Variants in TBX10 observed in about 807,000 individuals in gnomAD.
TBX10 encodes T-box transcription factor TBX10.
In TBX10, 26 loss-of-function variants were observed where a neutral mutation model predicts 32.4. That is an observed-to-expected ratio of 0.80 (90% confidence interval 0.59 to 1.11). TBX10 has a LOEUF of 1.11. Among genes scored for constraint, TBX10 ranks in the 50% most tolerant of loss-of-function variants. The probability of loss-of-function intolerance (pLI) is 0.00; values close to 1 mark genes in which losing one functional copy is unlikely to be tolerated. For missense variants in TBX10, 490 were observed against 494.5 expected (o/e 0.99, Z 0.09); for synonymous variants, 195 against 203.1 (o/e 0.96, Z 0.34).
At position 67,632,420 on chromosome 11, in the gene TBX10, A is replaced by G; in HGVS notation, c.774-8T>C. The G allele has an allele frequency of 6.2e-7, 1 of 1,609,136 alleles. No individual in the cohort carries two copies. The highest frequency in any genetic ancestry group is 1.1e-5 in the South Asian group (1 of 90,998). On this transcript the variant is annotated splice_region_variant and splice_polypyrimidine_tract_variant and intron_variant, in intron 6 of 7. Transcript: ENST00000335385. ...GGCCGTGGGGCCACAGGCCTGAAAG[A>G]GCAAGCGAGAATGGGGGGAGGGGAT...
At chr11:67,632,273 TGTG>T in intron 7 of TBX10, 42 bp downstream of exon 7, 1 of 1,608,512 alleles carries the variant, frequency 6.2e-7, no homozygotes. Flanking sequence ...TTCCGCCCAC[TGTG>T]TACACCTTAG....
chr11:67,632,173 T>C, intron 7 of TBX10, 145 bp downstream of exon 7: 1 of 1,032,660 alleles, frequency 9.7e-7, no homozygotes, highest in Non-Finnish European at 1.5e-6. Flanking sequence ...GTCTTAGGCA[T>C]GTCTGCTTCC....
At chr11:67,636,417 G>T (rs192737883) in intron 1 of TBX10, among the ~76,000 whole-genome samples, 1 of 151,814 alleles carries the variant, frequency 6.6e-6, no homozygotes, top group African/African-American at 2.4e-5. Flanking sequence ...CTGCTGGTGG[G>T]AATGTAAAAG....
At chr11:67,638,210 AAAATAAATAAAT>A (rs3029208) in intron 1 of TBX10, among the ~76,000 whole-genome samples, 7 of 149,700 alleles carry the variant, frequency 4.7e-5, no homozygotes, top group African/African-American at 7.4e-5. Context: ...TCTGTCTCAA[AAAATAAATAAAT>A]AAATAAATAA....
At position 67,632,987 on chromosome 11, in the gene TBX10, C is replaced by A; in HGVS notation, c.666G>T (p.Glu222Asp). 1 of 1,614,228 alleles carries A rather than the reference C, an allele frequency of 6.2e-7. No homozygotes were observed. Among genetic ancestry groups the A allele is most frequent in the Non-Finnish European group, 8.5e-7 (1 of 1,180,022 alleles). The change falls in exon 5 of 8, where the codon GAG becomes GAT. Residue 222 changes from glutamate (E) to aspartate (D), a missense_variant. By Grantham distance (45) the Glu-to-Asp change is conservative (BLOSUM62 2). Transcript: ENST00000335385. ...QENFKSFIFT[E>D]TQFTAVTAYQ... ...AGGCTGTCACTGCTGTGAACTGGGT[C>A]TCTGTGAAGATGAAGGACTTGAAGT...
chr11:67,640,224 G>A (rs1332042154), upstream of TBX10, among the ~76,000 whole-genome samples: 1 of 152,254 alleles, frequency 6.6e-6, no homozygotes, highest in Non-Finnish European at 1.5e-5. Context: ...CCTGTGGCAC[G>A]TGAACCCACA....
chr11:67,636,253 T>TC (rs1855326396), intron 1 of TBX10, among the ~76,000 whole-genome samples: 1 of 150,826 alleles, frequency 6.6e-6, no homozygotes, highest in African/African-American at 2.4e-5. Context: ...GGCTACTTTT[T>TC]TTTTTTTTTT....
intron 4 of TBX10, 108 bp from the exon 5 acceptor site, chr11:67,633,211 C>G (rs1855266265): frequency 7.2e-7 from 1 of 1,383,612 alleles, no homozygotes; most frequent in Non-Finnish European, 9.9e-7. Context: ...GCCTGCCACC[C>G]TGTTCCTTTC....
intron 7 of TBX10, among the ~76,000 whole-genome samples, chr11:67,632,116 C>A (rs574643227): frequency 6.6e-6 from 1 of 152,344 alleles, no homozygotes; most frequent in Non-Finnish European, 1.5e-5. Flanking sequence ...CTGCAGGAAG[C>A]CTGCCTGGCA....
Position 67,631,710 on chromosome 11 carries a change from G to A in TBX10, c.1053C>T (p.Pro351=). 1 of 1,609,674 alleles carries A rather than the reference G, an allele frequency of 6.2e-7. No individual in the cohort carries two copies. Among genetic ancestry groups the A allele is most frequent in the Non-Finnish European group, 8.5e-7 (1 of 1,178,592 alleles). The change falls in exon 8 of 8, where the codon CCC becomes CCT. Residue 351 remains proline, a synonymous_variant. Coordinates refer to ENST00000335385, the MANE Select transcript of TBX10 (RefSeq NM_005995.5). ...CTTGATCCCTATCAGCCCGGATGTTGGGGAGGGGGTATGGTGCTGGTCGGG... is the reference window on the plus strand; with the variant it reads ...CTTGATCCCTATCAGCCCGGATGTTAGGGAGGGGGTATGGTGCTGGTCGGG... ...PRTRPAPYPL[P]NIRADRDQGG...
At chr11:67,639,820 C>T (rs906738016), upstream of TBX10, among the ~76,000 whole-genome samples, 2 of 152,158 alleles carry the variant, frequency 1.3e-5, no homozygotes, top group Non-Finnish European at 1.5e-5. Flanking sequence ...GCAGAGCCCC[C>T]CTTCCTCCCT....
intron 1 of TBX10, 130 bp downstream of exon 1, chr11:67,639,336 G>A: frequency 4.5e-6 from 6 of 1,335,906 alleles, no homozygotes; most frequent in Admixed American, 1.9e-5. Context: ...CCTTAGCCTG[G>A]GGTGCCCCTG....
At chr11:67,639,957 C>G (rs933866976), upstream of TBX10, among the ~76,000 whole-genome samples, 6 of 152,164 alleles carry the variant, frequency 3.9e-5, no homozygotes, top group Non-Finnish European at 8.8e-5. Context: ...GGCTGGGCAT[C>G]TGCAGGGGTC....
chr11:67,640,137 AGCAGGAAAC>A (rs145600249), upstream of TBX10, among the ~76,000 whole-genome samples: 1,507 of 152,162 alleles, frequency 9.9e-3, 28 homozygotes, highest in African/African-American at 0.034. Context: ...GAGCAGTGTG[AGCAGGAAAC>A]GCAAGGGGGC....
At position 67,634,374 on chromosome 11, in the gene TBX10, C is replaced by T. The variant is rs376354468; in HGVS notation, c.378-14G>A. ...TGGAAGGCATACCTGGGGAGCACAG[C>T]GAGGTGGTGAGGGCTTCCCCAACCA... On this transcript the variant is annotated splice_polypyrimidine_tract_variant and intron_variant, in intron 3 of 7. Transcript: ENST00000335385. 24 of 1,600,192 alleles carry T rather than the reference C, an allele frequency of 1.5e-5. No homozygotes were observed. Among genetic ancestry groups the T allele is most frequent in the African/African-American group, 9.3e-5 (7 of 74,920 alleles).
chr11:67,634,846 T>C lies in TBX10; in HGVS notation c.347A>G (p.Asp116Gly), dbSNP rs1306513866. ...DSLADYALLMDFIPLDDKRYR... is the reference protein window; with the variant it reads ...DSLADYALLMGFIPLDDKRYR... ...TCTCTTGTCGTCCAGGGGGATGAAG[T>C]CCATGAGCAGGGCGTAGTCGGCCAG... The change falls in exon 3 of 8, where the codon GAC becomes GGC. Residue 116 changes from aspartate (D) to glycine (G), a missense_variant. Physicochemically the swap from Asp to Gly is moderately conservative, Grantham distance 94. Transcript: ENST00000335385. 1.2e-6 allele frequency: 2 copies of C among 1,613,300 alleles called. No homozygotes were observed. The highest frequency in any genetic ancestry group is 3.3e-5 in the Admixed American group (2 of 59,994).
upstream of TBX10, among the ~76,000 whole-genome samples, chr11:67,641,547 A>T (rs1332032194): frequency 6.6e-6 from 1 of 152,134 alleles, no homozygotes; most frequent in African/African-American, 2.4e-5. Context: ...GTGCCCCCGT[A>T]TCCTTCACAC....
chr11:67,631,645 G>T lies in TBX10; in HGVS notation c.1118C>A (p.Pro373His). The T allele has an allele frequency of 6.2e-7, 1 of 1,604,698 alleles. No homozygotes were observed. Among genetic ancestry groups the T allele is most frequent in the African/African-American group, 1.3e-5 (1 of 74,946 alleles). Residue 373 changes from proline to histidine, a missense_variant, in exon 8 of 8, where the codon CCC becomes CAC. By Grantham distance (77) the Pro-to-His change is moderately conservative. This residue lies in a region of TBX10 where 177 missense variants were observed against 176.6 expected (regional missense o/e 1.00). Coordinates refer to ENST00000335385, the MANE Select transcript of TBX10 (RefSeq NM_005995.5). ...GCCAGGCCCCAGGCACACCACAGTG[G>T]GGGACAGGAGCCCCAGCCCAGCTGG... ...PLPAGLGLLS[P>H]TVVCLGPGQD... is the part of the protein sequence containing the mutation.
At chr11:67,633,619 A>G (rs1403118133) in intron 4 of TBX10, among the ~76,000 whole-genome samples, 1 of 151,908 alleles carries the variant, frequency 6.6e-6, no homozygotes, top group African/African-American at 2.4e-5. Flanking sequence ...CCGGCCCAGG[A>G]TTCTCTGGCC....
Sources: allele counts gnomAD v4.1 joint callset (sites outside exome capture counted in the v4.1 genomes callset), GRCh38; gene constraint gnomAD v4.1.1; regional missense constraint gnomAD v4.1.1; transcripts MANE v1.5; gene names NCBI Gene and HGNC (gene_info 2026-07-23, HGNC 2026-07-21).